ATE1: variants seen among roughly 807,000 people sequenced by gnomAD.
ATE1 encodes arginyl-tRNA--protein transferase 1.
Under a neutral mutation model 70.5 loss-of-function variants are expected in ATE1, and 36 were observed. The ratio of observed to expected loss-of-function variants is 0.51; its 90% CI spans 0.39 to 0.67. The LOEUF is 0.67. Among genes scored for constraint, ATE1 ranks in the 30% least tolerant of loss-of-function variants. The probability of loss-of-function intolerance (pLI) is 0.00; values close to 1 mark genes in which losing one functional copy is unlikely to be tolerated. For missense variants in ATE1, 593 were observed against 629.5 expected (o/e 0.94, Z 0.62); for synonymous variants, 232 against 219.3 (o/e 1.06, Z -0.51).
At chr10:121,877,904 G>C (rs1431204069) in intron 7 of ATE1, among the ~76,000 whole-genome samples, 1 of 152,170 alleles carries the variant, frequency 6.6e-6, no homozygotes, top group Non-Finnish European at 1.5e-5. Context: ...AGAGAAATTA[G>C]TGTTATGTCC....
At chr10:121,791,063 T>C (rs1449352980) in intron 10 of ATE1, among the ~76,000 whole-genome samples, 1 of 77,668 alleles carries the variant, frequency 1.3e-5, no homozygotes. Context: ...TACGTGTGTG[T>C]GTGTGTGTGT....
At chr10:121,857,568 A>G (rs1187926281) in intron 8 of ATE1, among the ~76,000 whole-genome samples, 2 of 152,210 alleles carry the variant, frequency 1.3e-5, no homozygotes, top group Non-Finnish European at 2.9e-5. Context: ...AGAACTAAAA[A>G]TAGTATTTGA....
intron 10 of ATE1, among the ~76,000 whole-genome samples, chr10:121,800,861 A>T (rs1946849920): frequency 6.6e-6 from 1 of 152,214 alleles, no homozygotes; most frequent in Non-Finnish European, 1.5e-5. Context: ...ATGAGTAAGA[A>T]TAAAGGCTTA....
At position 121,855,536 on chromosome 10, in the gene ATE1, G is replaced by A. The variant is rs117207516; in HGVS notation, c.976-14273C>T. 2.0e-3 allele frequency among the ~76,000 whole-genome samples: 298 copies of A among 152,258 alleles called. 1 individual carries two copies. The highest frequency in any genetic ancestry group is 0.014 in the Middle Eastern group (4 of 294). The stretch of plus-strand genomic sequence containing the variant: ...ATAGCTAAAGTTGTAGAACTGAAGC[G>A]AAAAGCCTTCTACATGTTTCTGCAT... On this transcript the variant is annotated intron_variant, in intron 8 of 11. Transcript: ENST00000224652.
intron 10 of ATE1, among the ~76,000 whole-genome samples, chr10:121,831,983 G>A (rs1020570271): frequency 1.3e-5 from 2 of 152,166 alleles, no homozygotes. Flanking sequence ...TTATCCCTAA[G>A]TAAACAGAAA....
chr10:121,830,010 C>G (rs1590414605), intron 10 of ATE1, among the ~76,000 whole-genome samples: 2 of 152,292 alleles, frequency 1.3e-5, no homozygotes, highest in Admixed American at 1.3e-4. Context: ...TAGTTCTAGA[C>G]CTTCAATTTG....
At chr10:121,792,131 T>TAA (rs58399835) in intron 10 of ATE1, among the ~76,000 whole-genome samples, 144,515 of 152,190 alleles carry the variant, frequency 0.95, 68,808 homozygotes, top group Non-Finnish European at 0.98. Flanking sequence ...ATTGAGGACT[T>TAA]AAGACTGACT....
intron 8 of ATE1, among the ~76,000 whole-genome samples, chr10:121,850,368 A>G (rs1949008266): frequency 6.6e-6 from 1 of 152,224 alleles, no homozygotes; most frequent in African/African-American, 2.4e-5. Flanking sequence ...CAAAAGAGCT[A>G]TGTCTTACAA....
chr10:121,917,163 CA>C (rs1378494697), intron 3 of ATE1, among the ~76,000 whole-genome samples: 247 of 146,450 alleles, frequency 1.7e-3, no homozygotes, highest in Non-Finnish European at 2.5e-3. Flanking sequence ...AACTCCATCT[CA>C]AAAAAAAAAA....
At chr10:121,811,283 GAGGGGGAGAAA>G (rs1564857670) in intron 10 of ATE1, among the ~76,000 whole-genome samples, 2 of 152,092 alleles carry the variant, frequency 1.3e-5, no homozygotes, top group South Asian at 2.1e-4. Context: ...CAGGGAGAGA[GAGGGGGAGAAA>G]AGAGGGAGAA....
At chr10:121,814,645 G>A (rs1307216620) in intron 10 of ATE1, among the ~76,000 whole-genome samples, 1 of 152,128 alleles carries the variant, frequency 6.6e-6, no homozygotes, top group Admixed American at 6.5e-5. Flanking sequence ...AGATAAAGAC[G>A]TAAGAACAAA....
At chr10:121,778,213 ACAAC>A (rs1945825972) in intron 11 of ATE1, among the ~76,000 whole-genome samples, 1 of 152,208 alleles carries the variant, frequency 6.6e-6, no homozygotes, top group East Asian at 1.9e-4. Context: ...AAAAGTTGAG[ACAAC>A]CAGTGTCTTT....
chr10:121,899,192 CTT>C (rs79989529), intron 7 of ATE1, among the ~76,000 whole-genome samples: 1 of 149,600 alleles, frequency 6.7e-6, no homozygotes, highest in Non-Finnish European at 1.5e-5. Context: ...ACAATTTGTT[CTT>C]TTTTTTTTCT....
intron 8 of ATE1, among the ~76,000 whole-genome samples, chr10:121,845,964 C>T (rs1347665138): frequency 1.3e-5 from 2 of 152,004 alleles, no homozygotes; most frequent in Non-Finnish European, 2.9e-5. Context: ...AGAAACACCA[C>T]CCCAGGAGCA....
At chr10:121,799,220 C>A (rs1363353605) in intron 10 of ATE1, among the ~76,000 whole-genome samples, 2 of 152,044 alleles carry the variant, frequency 1.3e-5, no homozygotes, top group Admixed American at 1.3e-4. Flanking sequence ...ACGTTCACAG[C>A]CATGATCAAG....
chr10:121,786,887 T>C (rs1211236091), intron 11 of ATE1, among the ~76,000 whole-genome samples: 1 of 152,198 alleles, frequency 6.6e-6, no homozygotes, highest in Non-Finnish European at 1.5e-5. Context: ...TTGAAATCTA[T>C]ACATATTCAG....
At chr10:121,764,278 G>A (rs2135813657) in intron 11 of ATE1, among the ~76,000 whole-genome samples, 1 of 152,020 alleles carries the variant, frequency 6.6e-6, no homozygotes, top group South Asian at 2.1e-4. Flanking sequence ...GTGGGATAAT[G>A]AGAATGTTCT....
At chr10:121,917,178 C>T (rs1184583919) in intron 3 of ATE1, among the ~76,000 whole-genome samples, 1 of 151,876 alleles carries the variant, frequency 6.6e-6, no homozygotes, top group Non-Finnish European at 1.5e-5. Flanking sequence ...AAAAAAATAG[C>T]CCAGGCTGAC....
chr10:121,924,041 G>C (rs1357149289), intron 2 of ATE1, among the ~76,000 whole-genome samples: 1 of 152,212 alleles, frequency 6.6e-6, no homozygotes, highest in African/African-American at 2.4e-5. Flanking sequence ...CTGAAGCTTA[G>C]TGATAGGTAC....
Sources: gnomAD v4.1 joint callset for allele counts (sites outside exome capture counted in the v4.1 genomes callset) on GRCh38, gnomAD v4.1.1 for gene constraint, MANE v1.5 for transcripts, NCBI Gene and HGNC (gene_info 2026-07-23, HGNC 2026-07-21) for gene names.